CNTNAP4: variants seen among roughly 807,000 people sequenced by gnomAD.
CNTNAP4 encodes contactin associated protein family member 4.
In CNTNAP4, 98 loss-of-function variants were observed where a neutral mutation model predicts 148.4. That is an observed-to-expected ratio of 0.66 (90% CI 0.56 to 0.78). The LOEUF is 0.78. Ranked by LOEUF, CNTNAP4 falls within the 30% of genes least tolerant of loss-of-function variation. The pLI is 0.00. For synonymous variants in CNTNAP4, 730 were observed against 565.1 expected (o/e 1.29, Z -4.14); for missense variants, 1,935 against 1,565.6 (o/e 1.24, Z -3.98).
chr16:76,312,593 A>C (rs1025912055), intron 1 of CNTNAP4, among the ~76,000 whole-genome samples: 1 of 152,220 alleles, frequency 6.6e-6, no homozygotes, highest in Admixed American at 6.6e-5. Flanking sequence ...TAGCATGGCA[A>C]ACCTGGAACT....
chr16:76,385,712 C>T (rs2016454580), intron 3 of CNTNAP4, among the ~76,000 whole-genome samples: 1 of 151,884 alleles, frequency 6.6e-6, no homozygotes, highest in African/African-American at 2.4e-5. Flanking sequence ...TTTTGTCCAC[C>T]CATCAATACG....
intron 2 of CNTNAP4, among the ~76,000 whole-genome samples, chr16:76,338,164 C>A (rs1294954488): frequency 6.6e-6 from 1 of 152,124 alleles, no homozygotes; most frequent in Non-Finnish European, 1.5e-5. Flanking sequence ...GAAATCTTCA[C>A]AATTTATGTT....
Position 76,489,757 on chromosome 16 carries a change from C to A in CNTNAP4, c.1954C>A (p.Pro652Thr). The A allele has an allele frequency of 6.2e-7, 1 of 1,604,766 alleles. No individual in the cohort carries two copies. The highest frequency in any genetic ancestry group is 8.5e-7 in the Non-Finnish European group (1 of 1,175,244). Residue 652 changes from proline to threonine, a missense_variant, in exon 13 of 24, where the codon CCA becomes ACA. Coordinates refer to ENST00000611870, the MANE Select transcript of CNTNAP4 (RefSeq NM_033401.5). ...TRVRNTNPEN[P>T]YAGFFEYVAS... ...AGTCAGAAATACTAATCCAGAGAAC[C>A]CATATGCTGGGTTTTTCGAGTATGT... is the stretch of plus-strand genomic sequence containing the variant.
At chr16:76,287,022 G>A (rs1597081313) in intron 1 of CNTNAP4, among the ~76,000 whole-genome samples, 1 of 152,256 alleles carries the variant, frequency 6.6e-6, no homozygotes, top group Admixed American at 6.5e-5. Flanking sequence ...ACTTTAACAT[G>A]ACAACTGTGT....
intron 2 of CNTNAP4, among the ~76,000 whole-genome samples, chr16:76,343,246 G>A (rs573839023): frequency 1.3e-4 from 20 of 152,190 alleles, no homozygotes; most frequent in South Asian, 4.2e-4. Flanking sequence ...CTGACAATCC[G>A]ATGAAAGGCC....
chr16:76,311,912 G>A (rs1961163873), intron 1 of CNTNAP4, among the ~76,000 whole-genome samples: 2 of 152,164 alleles, frequency 1.3e-5, no homozygotes, highest in Admixed American at 1.3e-4. Flanking sequence ...TTTTAAAAAT[G>A]CAATTATGTT....
chr16:76,540,418 G>A (rs978328105), intron 20 of CNTNAP4, among the ~76,000 whole-genome samples: 1 of 151,768 alleles, frequency 6.6e-6, no homozygotes, highest in African/African-American at 2.4e-5. Context: ...CTTATCCAGT[G>A]GAGAAAAATA....
intron 4 of CNTNAP4, among the ~76,000 whole-genome samples, chr16:76,428,372 A>G (rs2079487389): frequency 6.6e-6 from 1 of 152,010 alleles, no homozygotes; most frequent in African/African-American, 2.4e-5. Flanking sequence ...AGCCTCACAT[A>G]TGAAATAATC....
At position 76,284,461 on chromosome 16, in the gene CNTNAP4, T is replaced by C. The variant is rs577552624; in HGVS notation, c.85+6714T>C. On this transcript the variant is annotated intron_variant, in intron 1 of 23. Transcript: ENST00000611870. Reference sequence around the variant, plus strand: ...TCATGCAGACAAAAATTACAGAGTTTTGGAGACCCTGTGATTAACTGAAAA... The same window carrying C: ...TCATGCAGACAAAAATTACAGAGTTCTGGAGACCCTGTGATTAACTGAAAA... 2.0e-5 allele frequency among the ~76,000 whole-genome samples: 3 copies of C among 152,074 alleles called. No individual in the cohort carries two copies. The East Asian group carries it at 5.8e-4, about 29-fold the overall frequency.
chr16:76,291,959 G>C (rs12325100), intron 1 of CNTNAP4, among the ~76,000 whole-genome samples: 1 of 151,924 alleles, frequency 6.6e-6, no homozygotes, highest in Non-Finnish European at 1.5e-5. Flanking sequence ...GTAGCCTTTG[G>C]ATTTATCTTT....
At chr16:76,348,623 T>A (rs772596918) in intron 2 of CNTNAP4, among the ~76,000 whole-genome samples, 2 of 152,128 alleles carry the variant, frequency 1.3e-5, no homozygotes, top group African/African-American at 2.4e-5. Context: ...TATTTGGGCA[T>A]TGAGAATGAT....
At chr16:76,380,584 G>A (rs929018683) in intron 3 of CNTNAP4, among the ~76,000 whole-genome samples, 7 of 152,114 alleles carry the variant, frequency 4.6e-5, no homozygotes, top group African/African-American at 1.7e-4. Context: ...ACAATAAGAT[G>A]ACTAAGACAT....
intron 17 of CNTNAP4, among the ~76,000 whole-genome samples, chr16:76,534,803 C>G (rs570717021): frequency 1.4e-4 from 21 of 152,264 alleles, no homozygotes; most frequent in South Asian, 6.2e-4. Context: ...GAAACTCTAC[C>G]TTAGAATAAT....
intron 15 of CNTNAP4, among the ~76,000 whole-genome samples, chr16:76,502,094 A>C (rs1199922212): frequency 6.6e-6 from 1 of 152,078 alleles, no homozygotes; most frequent in African/African-American, 2.4e-5. Context: ...ATTTACAAAT[A>C]GTTTCAAGTA....
chr16:76,352,520 G>T (rs982866220), intron 2 of CNTNAP4, among the ~76,000 whole-genome samples: 6 of 152,082 alleles, frequency 3.9e-5, no homozygotes, highest in African/African-American at 1.4e-4. Context: ...CTAGTTAGGG[G>T]CATGGTGCCT....
chr16:76,464,168 A>G (rs2081090194), intron 9 of CNTNAP4, among the ~76,000 whole-genome samples: 1 of 152,158 alleles, frequency 6.6e-6, no homozygotes, highest in African/African-American at 2.4e-5. Flanking sequence ...AAGGCGATCC[A>G]TCTTCCAAGA....
intron 3 of CNTNAP4, among the ~76,000 whole-genome samples, chr16:76,418,016 G>A (rs996422794): frequency 3.3e-5 from 5 of 151,612 alleles, no homozygotes; most frequent in African/African-American, 1.2e-4. Flanking sequence ...GATGCCCTCT[G>A]CTTCTTCCAA....
At chr16:76,353,792 C>G (rs913313651) in intron 2 of CNTNAP4, among the ~76,000 whole-genome samples, 1 of 152,172 alleles carries the variant, frequency 6.6e-6, no homozygotes, top group Non-Finnish European at 1.5e-5. Context: ...TGCCCTTCAT[C>G]TATCAGAGTA....
rs557025874 is a variant in CNTNAP4 at position 76,338,091 on chromosome 16, TTAAAG to T, written c.197-17221_197-17217del. ...TTACAAAGATGACGGGATTAAGAGA[TTAAAG>T]TAAAGACAGACATAAGAAATTATAA... On this transcript the variant is annotated intron_variant, in intron 2 of 23. Transcript: ENST00000611870. Among the ~76,000 whole-genome samples, 75 of 152,252 alleles carry T rather than the reference TTAAAG, an allele frequency of 4.9e-4. 2 individuals are homozygous for T. In the East Asian group the frequency reaches 0.014, roughly 28 times the overall value.
Sources: allele counts gnomAD v4.1 joint callset (sites outside exome capture counted in the v4.1 genomes callset), GRCh38; gene constraint gnomAD v4.1.1; transcripts MANE v1.5; gene names NCBI Gene and HGNC (gene_info 2026-07-23, HGNC 2026-07-21).